The following INO80 variants were observed in gnomAD, a reference collection of about 807,000 sequenced individuals.
The protein encoded by INO80 is chromatin-remodeling ATPase INO80.
In INO80, 20 loss-of-function variants were observed where a neutral mutation model predicts 203.4. The ratio of observed to expected loss-of-function variants is 0.10; its 90% CI spans 0.07 to 0.14. The LOEUF (loss-of-function observed/expected upper bound fraction) is 0.14, where lower values mean the gene tolerates loss of function less well. Ranked by LOEUF, INO80 falls within the 10% of genes least tolerant of loss-of-function variation. The pLI is 1.00. For synonymous variants in INO80, 726 were observed against 685.2 expected, an observed-to-expected ratio of 1.06 and a Z score of -0.93; for missense variants, 1,419 against 1,914.4, an observed-to-expected ratio of 0.74 and a Z score of 4.83.
intron 11 of INO80, among the ~76,000 whole-genome samples, chr15:41,072,925 C>T (rs2045346079): frequency 6.6e-6 from 1 of 151,746 alleles, no homozygotes; most frequent in Non-Finnish European, 1.5e-5. Context: ...GGACTACAAG[C>T]GCCCTCCGCC....
chr15:41,004,258 T>C (rs955141757), intron 28 of INO80, among the ~76,000 whole-genome samples: 2 of 151,888 alleles, frequency 1.3e-5, no homozygotes, highest in African/African-American at 4.8e-5. Flanking sequence ...GGAATTCTGG[T>C]GTGTAGTTTT....
chr15:40,990,579 G>C (rs1434573880), intron 29 of INO80, among the ~76,000 whole-genome samples: 3 of 152,148 alleles, frequency 2.0e-5, no homozygotes, highest in African/African-American at 7.2e-5. Flanking sequence ...GAAGAACAAT[G>C]TAAACTGCTG....
At chr15:40,980,505 G>C in intron 35 of INO80, 65 bp from the exon 36 acceptor site, 1 of 1,269,918 alleles carries the variant, frequency 7.9e-7, no homozygotes, top group Non-Finnish European at 1.1e-6. Context: ...TGGAGCCTGT[G>C]GCCTTGGTTA....
intron 1 of INO80, among the ~76,000 whole-genome samples, chr15:41,099,005 G>A (rs1480686257): frequency 6.6e-6 from 1 of 151,794 alleles, no homozygotes; most frequent in Non-Finnish European, 1.5e-5. Context: ...CAACATTTAG[G>A]AGGCTGAAGT....
intron 7 of INO80, among the ~76,000 whole-genome samples, chr15:41,083,304 G>A (rs941083599): frequency 6.7e-5 from 10 of 148,894 alleles, no homozygotes; most frequent in Non-Finnish European, 8.9e-5. Context: ...GAATGCTCAA[G>A]CATCAACTAT....
chr15:41,072,713 A>C (rs1398949246), intron 11 of INO80, among the ~76,000 whole-genome samples: 1 of 151,586 alleles, frequency 6.6e-6, no homozygotes. Flanking sequence ...AAGTGAAAGA[A>C]GGCATTAAAT....
At chr15:41,026,561 T>TA (rs774035679) in intron 25 of INO80, among the ~76,000 whole-genome samples, 162 of 149,768 alleles carry the variant, frequency 1.1e-3, no homozygotes, top group Non-Finnish European at 1.2e-3. Flanking sequence ...TCAAAAGCAT[T>TA]AAAAAAAACA....
rs745850235 is a variant in INO80 at position 41,056,723 on chromosome 15, G to A, written c.1986-17C>T. The A allele has an allele frequency of 6.2e-7, 1 of 1,602,654 alleles. No individual in the cohort carries two copies. Among genetic ancestry groups the A allele is most frequent in the Non-Finnish European group, 8.5e-7 (1 of 1,170,004 alleles). On this transcript the variant is annotated splice_polypyrimidine_tract_variant and intron_variant, in intron 16 of 35. Coordinates refer to ENST00000648947, the MANE Select transcript of INO80 (RefSeq NM_017553.3). ...CAACGAACACTGTTTGATAAAATAA[G>A]TTACAAATTCATGTTAGCAATAAAT... is the stretch of plus-strand genomic sequence containing the variant.
intron 29 of INO80, among the ~76,000 whole-genome samples, chr15:40,995,757 G>A (rs893340890): frequency 6.6e-6 from 1 of 152,104 alleles, no homozygotes; most frequent in African/African-American, 2.4e-5. Context: ...GGAACCAAGA[G>A]ATAACAAGGA....
intron 17 of INO80, among the ~76,000 whole-genome samples, 158 bp from the exon 18 acceptor site, chr15:41,055,522 A>C (rs2044967048): frequency 6.6e-6 from 1 of 152,256 alleles, no homozygotes; most frequent in African/African-American, 2.4e-5. Flanking sequence ...ATTCAACTAC[A>C]TTCTTGCCTC....
At chr15:41,103,799 A>C (rs977030734) in intron 1 of INO80, among the ~76,000 whole-genome samples, 5 of 152,154 alleles carry the variant, frequency 3.3e-5, no homozygotes, top group Admixed American at 6.6e-5. Context: ...TCTGGTTTTG[A>C]GTTACTTTTT....
chr15:41,077,337 A>C (rs2045420704), intron 9 of INO80, among the ~76,000 whole-genome samples: 1 of 151,276 alleles, frequency 6.6e-6, no homozygotes, highest in South Asian at 2.1e-4. Flanking sequence ...CCAAAAGAAA[A>C]ACAATACAAT....
rs149549015 is a variant in INO80 at position 40,997,328 on chromosome 15, A to G, written c.3570+201T>C. Among the ~76,000 whole-genome samples the G allele has an allele frequency of 2.7e-3, 408 of 152,330 alleles. 3 individuals carry two copies. The highest frequency in any genetic ancestry group is 0.013 in the South Asian group (61 of 4,828). On this transcript the variant is annotated intron_variant, in intron 29 of 35. Coordinates refer to ENST00000648947, the MANE Select transcript of INO80 (RefSeq NM_017553.3). ...TCAAAGAAAATGAATAGTAAAGTCC[A>G]TAAGGAAAGCTAAAATACTCTAGTT...
intron 27 of INO80, among the ~76,000 whole-genome samples, chr15:41,010,833 G>A (rs1005234584): frequency 1.3e-5 from 2 of 152,080 alleles, no homozygotes; most frequent in South Asian, 4.1e-4. Context: ...ACAATTTAGG[G>A]GAAGGACTCA....
Position 41,016,174 on chromosome 15 carries a change from G to A in INO80, c.3316C>T (p.Leu1106Phe). The A allele has an allele frequency of 6.2e-7, 1 of 1,613,852 alleles. No homozygotes were observed. The highest frequency in any genetic ancestry group is 2.2e-5 in the East Asian group (1 of 44,878). ...TTGAGCCGAGTCAGCAGGACATCAA[G>A]GGCATACAGCTTTCCACTGTCAGTG... ...LITDSGKLYA[L>F]DVLLTRLKSQ... The change falls in exon 27 of 36, where the codon CTT (leucine) becomes TTT (phenylalanine). Residue 1106 changes from leucine (L) to phenylalanine (F), a missense_variant. Physicochemically the swap from Leu to Phe is conservative, Grantham distance 22. Coordinates refer to ENST00000648947, the MANE Select transcript of INO80 (RefSeq NM_017553.3).
intron 8 of INO80, among the ~76,000 whole-genome samples, chr15:41,080,321 G>A (rs2140624974): frequency 6.6e-6 from 1 of 152,162 alleles, no homozygotes; most frequent in South Asian, 2.1e-4. Context: ...TATAAATGAG[G>A]AAACACAGTT....
chr15:41,045,116 T>C (rs1225424267), intron 23 of INO80, 41 bp from the exon 24 acceptor site: 2 of 1,526,746 alleles, frequency 1.3e-6, no homozygotes, highest in Non-Finnish European at 1.8e-6. Flanking sequence ...CAGTGCTCCA[T>C]GGAGGTTTGA....
At chr15:41,067,820 A>G (rs1381182273) in intron 14 of INO80, among the ~76,000 whole-genome samples, 1 of 152,222 alleles carries the variant, frequency 6.6e-6, no homozygotes, top group Non-Finnish European at 1.5e-5. Context: ...CCAAAATACT[A>G]TCTTAACTGT....
Position 41,092,106 on chromosome 15 carries a change from C to T in INO80, c.458G>A (p.Ser153Asn). The change falls in exon 5 of 36, where the codon AGC becomes AAC. Residue 153 changes from serine (S) to asparagine (N), a missense_variant. Ser to Asn is a conservative substitution (Grantham distance 46, BLOSUM62 1). Transcript: ENST00000648947. ...EDDDEEELNL[S>N]REELHNMLRL... is the part of the protein sequence containing the mutation. ...AAGCATGTTGTGAAGTTCTTCTCTG[C>T]TGAGATTGAGTTCTTCTTCATCATC... The T allele has an allele frequency of 1.2e-6, 2 of 1,612,556 alleles. No individual in the cohort carries two copies. Among genetic ancestry groups the T allele is most frequent in the Non-Finnish European group, 1.7e-6 (2 of 1,178,684 alleles).
Sources: allele counts gnomAD v4.1 joint callset (sites outside exome capture counted in the v4.1 genomes callset), GRCh38; gene constraint gnomAD v4.1.1; transcripts MANE v1.5; gene names NCBI Gene and HGNC (gene_info 2026-07-23, HGNC 2026-07-21).